The following PDZRN4 variants were observed in gnomAD, a reference collection of about 807,000 sequenced individuals.
PDZRN4 encodes the protein PDZ domain-containing RING finger protein 4.
PDZRN4 carries 70 observed loss-of-function variants against 99.0 expected under a neutral mutation model. The observed-to-expected ratio is 0.71, with a 90% CI of 0.58 to 0.86. The LOEUF (loss-of-function observed/expected upper bound fraction) is 0.86. PDZRN4 is among the 40% of genes least tolerant of loss of function. PDZRN4 has a pLI of 0.00. For synonymous variants in PDZRN4, 551 were observed against 501.6 expected (o/e 1.10, Z -1.32); for missense variants, 1,474 against 1,331.2 (o/e 1.11, Z -1.67).
At chr12:41,338,373 T>A (rs1592018254) in intron 3 of PDZRN4, among the ~76,000 whole-genome samples, 1 of 152,102 alleles carries the variant, frequency 6.6e-6, no homozygotes, top group Admixed American at 6.6e-5. Context: ...AATAGCATTA[T>A]GGATTTTTAA....
At chr12:41,322,900 A>C (rs535722578) in intron 3 of PDZRN4, among the ~76,000 whole-genome samples, 151 of 149,992 alleles carry the variant, frequency 1.0e-3, no homozygotes, top group African/African-American at 3.6e-3. Flanking sequence ...CTTTCATTTT[A>C]TTTTCTTTCT....
At chr12:41,525,546 T>A (rs1444460811) in intron 5 of PDZRN4, among the ~76,000 whole-genome samples, 1 of 152,152 alleles carries the variant, frequency 6.6e-6, no homozygotes, top group African/African-American at 2.4e-5. Flanking sequence ...ATGCCACATA[T>A]ACACATATGA....
intron 5 of PDZRN4, among the ~76,000 whole-genome samples, chr12:41,539,742 A>T (rs535211782): frequency 8.5e-5 from 13 of 152,292 alleles, no homozygotes; most frequent in African/African-American, 3.1e-4. Context: ...CACATGCTGG[A>T]AAAGTTCCTG....
At chr12:41,459,069 A>G (rs1399330940) in intron 3 of PDZRN4, among the ~76,000 whole-genome samples, 1 of 152,118 alleles carries the variant, frequency 6.6e-6, no homozygotes, top group African/African-American at 2.4e-5. Flanking sequence ...TTTGTAGACT[A>G]GTAGAAGAAT....
intron 3 of PDZRN4, among the ~76,000 whole-genome samples, chr12:41,408,261 C>T (rs1041791237): frequency 6.6e-6 from 1 of 152,210 alleles, no homozygotes; most frequent in African/African-American, 2.4e-5. Flanking sequence ...TTAGAAGATA[C>T]TGATTCATGC....
intron 3 of PDZRN4, among the ~76,000 whole-genome samples, chr12:41,351,133 A>G (rs1162507565): frequency 2.0e-5 from 3 of 152,290 alleles, no homozygotes; most frequent in Admixed American, 6.5e-5. Context: ...CTTGAGTTTT[A>G]CATACAGAAA....
At chr12:41,384,867 G>A (rs890661882) in intron 3 of PDZRN4, among the ~76,000 whole-genome samples, 2 of 152,134 alleles carry the variant, frequency 1.3e-5, no homozygotes, top group Admixed American at 1.3e-4. Context: ...ATTAAAGGTG[G>A]TGTATGCTAA....
At chr12:41,503,430 AT>A (rs1479429376) in intron 3 of PDZRN4, among the ~76,000 whole-genome samples, 1 of 152,164 alleles carries the variant, frequency 6.6e-6, no homozygotes. Flanking sequence ...ATAAATAGCC[AT>A]TGATCTTGAC....
Position 41,572,882 on chromosome 12 carries a change from A to G in PDZRN4, c.2103A>G (p.Thr701=). The G allele has an allele frequency of 3.7e-6, 6 of 1,614,184 alleles. No homozygotes were observed. The East Asian group carries it at 8.9e-5, about 24-fold the overall frequency. Reference sequence around the variant, plus strand: ...CAGACCAGTATGGAGACATCTGGACATTGCATGATGGAGGATTCCGGAATT... The same window carrying G: ...CAGACCAGTATGGAGACATCTGGACGTTGCATGATGGAGGATTCCGGAATT... The part of the protein sequence containing the change: ...KVTDQYGDIW[T]LHDGGFRNYN... The change falls in exon 10 of 10, where the codon ACA becomes ACG. Residue 701 remains threonine, a synonymous_variant. Coordinates refer to ENST00000402685, the MANE Select transcript of PDZRN4 (RefSeq NM_001164595.2).
intron 3 of PDZRN4, among the ~76,000 whole-genome samples, chr12:41,430,476 A>AG (rs1272215361): frequency 6.6e-6 from 1 of 152,006 alleles, no homozygotes; most frequent in African/African-American, 2.4e-5. Context: ...TAAAAAAAAA[A>AG]AAAAGAAAGA....
At chr12:41,548,592 A>C (rs761664858) in intron 5 of PDZRN4, among the ~76,000 whole-genome samples, 26 of 152,212 alleles carry the variant, frequency 1.7e-4, no homozygotes, top group Non-Finnish European at 3.7e-4. Context: ...TGCTGACTGC[A>C]TTTGAATTTT....
intron 5 of PDZRN4, among the ~76,000 whole-genome samples, chr12:41,520,037 G>T (rs1351700624): frequency 6.6e-6 from 1 of 152,052 alleles, no homozygotes; most frequent in Admixed American, 6.6e-5. Context: ...CGTTTTCTTG[G>T]TTTTTTGTTT....
chr12:41,283,467 T>C (rs1032486433), intron 3 of PDZRN4, among the ~76,000 whole-genome samples: 1 of 152,206 alleles, frequency 6.6e-6, no homozygotes, highest in African/African-American at 2.4e-5. Flanking sequence ...TCTGAAACTA[T>C]TCTGAACAAC....
At position 41,188,953 on chromosome 12, in the gene PDZRN4, C is replaced by T; in HGVS notation, c.498C>T (p.Ala166=). Residue 166 remains alanine (A), a synonymous_variant, in exon 1 of 10, where the codon GCC becomes GCT. Coordinates refer to ENST00000402685, the MANE Select transcript of PDZRN4 (RefSeq NM_001164595.2). ...GGGGACCCGGGCCTCGGGTCCTCGCCTGGAGGCGGCGCGAGAAGGCGCTGC... is the reference window on the plus strand; with the variant it reads ...GGGGACCCGGGCCTCGGGTCCTCGCTTGGAGGCGGCGCGAGAAGGCGCTGC... ...RGRGPGPRVL[A]WRRREKALLA... 2 of 1,455,292 alleles carry T rather than the reference C, an allele frequency of 1.4e-6. No individual in the cohort carries two copies. The highest frequency in any genetic ancestry group is 2.6e-5 in the South Asian group (2 of 76,936). 90.1% of individuals were successfully genotyped at this position (1,455,292 alleles called of 1,614,324 possible).
At chr12:41,506,832 C>T (rs927675164) in intron 4 of PDZRN4, 120 bp downstream of exon 4, 10 of 1,130,064 alleles carry the variant, frequency 8.8e-6, no homozygotes, top group African/African-American at 1.6e-5. Context: ...TTCCCAGCTC[C>T]GTTTGGAAAA....
In PDZRN4 at chr12:41,311,253, A is replaced by G. The variant is rs569228849; in HGVS notation, c.843+117065A>G. Among the ~76,000 whole-genome samples the G allele has an allele frequency of 1.1e-3, 154 of 143,428 alleles. 2 individuals are homozygous for G. The highest frequency in any genetic ancestry group is 3.7e-3 in the African/African-American group (142 of 38,868). 94.1% of individuals were successfully genotyped at this position (143,428 alleles called of 152,430 possible). A position where few individuals can be genotyped will look rare whatever the true frequency, so the allele number is the denominator to read the frequency against. On this transcript the variant is annotated intron_variant, in intron 3 of 9. Coordinates refer to ENST00000402685, the MANE Select transcript of PDZRN4 (RefSeq NM_001164595.2). ...AATATATATGTTAGGTATGATGTCT[A>G]TGCTATAAGCAATGAGAATTTTTTT...
chr12:41,232,929 C>G (rs866359391), intron 3 of PDZRN4, among the ~76,000 whole-genome samples: 1 of 152,094 alleles, frequency 6.6e-6, no homozygotes, highest in African/African-American at 2.4e-5. Flanking sequence ...ATAGGCAATC[C>G]TTTCCCCATT....
chr12:41,333,732 T>G (rs1234067075), intron 3 of PDZRN4, among the ~76,000 whole-genome samples: 1 of 152,166 alleles, frequency 6.6e-6, no homozygotes, highest in Non-Finnish European at 1.5e-5. Flanking sequence ...CATAGACTAT[T>G]GAGCATTAAC....
intron 3 of PDZRN4, among the ~76,000 whole-genome samples, chr12:41,382,691 G>A (rs1479812809): frequency 6.6e-6 from 1 of 152,182 alleles, no homozygotes; most frequent in Non-Finnish European, 1.5e-5. Context: ...TTTGTGGAAG[G>A]CTGGGTAAAG....
Sources: gnomAD v4.1 joint callset for allele counts (sites outside exome capture counted in the v4.1 genomes callset) on GRCh38, gnomAD v4.1.1 for gene constraint, MANE v1.5 for transcripts, NCBI Gene and HGNC (gene_info 2026-07-23, HGNC 2026-07-21) for gene names.